Variants in SVEP1 observed in about 807,000 individuals in gnomAD.
The protein encoded by SVEP1 is sushi, von Willebrand factor type A, EGF and pentraxin domain containing 1.
A neutral mutation model predicts 367.3 loss-of-function variants in SVEP1; 164 were observed. The ratio of observed to expected loss-of-function variants is 0.45; its 90% CI spans 0.39 to 0.51. SVEP1 has a LOEUF of 0.51. Among genes scored for constraint, SVEP1 ranks in the 20% least tolerant of loss-of-function variants. The pLI is 0.00. For missense variants in SVEP1, 4,117 were observed against 4,425.3 expected (o/e 0.93, Z 1.98); for synonymous variants, 1,666 against 1,611.6 (o/e 1.03, Z -0.81).
chr9:110,527,088 TGTG>T (rs1204435061), intron 3 of SVEP1, among the ~76,000 whole-genome samples: 1 of 152,068 alleles, frequency 6.6e-6, no homozygotes, highest in Non-Finnish European at 1.5e-5. Context: ...AAAGGATTAT[TGTG>T]GTGGTAGAAA....
intron 3 of SVEP1, among the ~76,000 whole-genome samples, chr9:110,517,053 T>C (rs1291937690): frequency 2.0e-5 from 3 of 152,170 alleles, no homozygotes; most frequent in African/African-American, 4.8e-5. Context: ...ATAAGATACA[T>C]AGCTTTGTGA....
intron 1 of SVEP1, among the ~76,000 whole-genome samples, chr9:110,564,694 CATAA>C (rs1416480940): frequency 2.0e-5 from 3 of 151,912 alleles, no homozygotes; most frequent in African/African-American, 7.2e-5. Context: ...CATATGACCA[CATAA>C]ATAAACCAGG....
chr9:110,535,176 T>C (rs1433080569), intron 3 of SVEP1, among the ~76,000 whole-genome samples: 1 of 152,168 alleles, frequency 6.6e-6, no homozygotes, highest in Non-Finnish European at 1.5e-5. Context: ...CTTTAATCCT[T>C]CTTGAGTTGA....
intron 27 of SVEP1, among the ~76,000 whole-genome samples, chr9:110,441,384 T>A (rs1828507433): frequency 6.6e-6 from 1 of 152,224 alleles, no homozygotes; most frequent in African/African-American, 2.4e-5. Context: ...TCCATTTCTT[T>A]ATAAATCACC....
chr9:110,532,876 G>C (rs1281055991), intron 3 of SVEP1, among the ~76,000 whole-genome samples: 1 of 152,032 alleles, frequency 6.6e-6, no homozygotes, highest in Non-Finnish European at 1.5e-5. Flanking sequence ...GGGCAAAATT[G>C]CTTCCTGTAG....
At chr9:110,457,457 G>A (rs775084180) in intron 20 of SVEP1, 105 bp from the exon 21 acceptor site, 68 of 854,896 alleles carry the variant, frequency 8.0e-5, no homozygotes, top group Non-Finnish European at 1.2e-4. Context: ...CGTTCCTCCT[G>A]TTTCCAGGTA....
chr9:110,558,877 C>T (rs1830388211), intron 1 of SVEP1, among the ~76,000 whole-genome samples: 1 of 152,012 alleles, frequency 6.6e-6, no homozygotes, highest in African/African-American at 2.4e-5. Flanking sequence ...TGTGATAAGG[C>T]TTATTCCTCA....
Position 110,514,032 on chromosome 9 carries a change from T to C in SVEP1, c.1039A>G (p.Asn347Asp). ...GTGCTTCCAGGTGGAGAGGTGTGAT[T>C]TTCATCAGGACATGGAATGCAACTG... ...ISSCIPCPDE[N>D]HTSPPGSTSP... Residue 347 changes from asparagine to aspartate, a missense_variant, in exon 4 of 48, where the codon AAT becomes GAT. Asn to Asp is a conservative substitution (Grantham distance 23, BLOSUM62 1). Coordinates refer to ENST00000374469, the MANE Select transcript of SVEP1 (RefSeq NM_153366.4). 6.2e-7 allele frequency: 1 copy of C among 1,612,270 alleles called. No individual in the cohort carries two copies. Among genetic ancestry groups the C allele is most frequent in the Non-Finnish European group, 8.5e-7 (1 of 1,179,210 alleles).
At chr9:110,569,654 C>A (rs1417229667) in intron 1 of SVEP1, among the ~76,000 whole-genome samples, 1 of 152,102 alleles carries the variant, frequency 6.6e-6, no homozygotes, top group South Asian at 2.1e-4. Context: ...AAGAACTTCC[C>A]TTAAATTATT....
At chr9:110,483,214 C>T (rs950022465) in intron 10 of SVEP1, among the ~76,000 whole-genome samples, 1 of 151,944 alleles carries the variant, frequency 6.6e-6, no homozygotes, top group Non-Finnish European at 1.5e-5. Flanking sequence ...TTTTATTTGT[C>T]AAGTATTTAA....
chr9:110,489,927 C>T (rs1255081217), intron 8 of SVEP1, 148 bp from the exon 9 acceptor site: 1 of 1,014,680 alleles, frequency 9.9e-7, no homozygotes, highest in East Asian at 2.9e-5. Flanking sequence ...ATATTTCTTT[C>T]CAGATTATTC....
Position 110,423,139 on chromosome 9 carries a change from AAAAAAAAT to A in SVEP1, c.5975+4444_5975+4451del, listed in dbSNP as rs1439451038. 1.1e-3 allele frequency among the ~76,000 whole-genome samples: 151 copies of A among 141,816 alleles called. 1 individual carries two copies. Among genetic ancestry groups the A allele is most frequent in the Non-Finnish European group, 1.8e-3 (118 of 66,150 alleles). The allele number at this position is 141,816 out of a possible 152,430, so 93.0% of individuals were successfully genotyped here. ...GTATAATAAAAAATAATAATAATAAAAAAAAAATAAAAAAATAAAAAAATAAAGTAAAA... is the reference window on the plus strand; with the variant it reads ...GTATAATAAAAAATAATAATAATAAAAAAAAAATAAAAAAATAAAGTAAAA... On this transcript the variant is annotated intron_variant, in intron 36 of 47. Coordinates refer to ENST00000374469, the MANE Select transcript of SVEP1 (RefSeq NM_153366.4).
intron 26 of SVEP1, among the ~76,000 whole-genome samples, chr9:110,445,243 G>A (rs1211810088): frequency 6.6e-6 from 1 of 152,174 alleles, no homozygotes; most frequent in South Asian, 2.1e-4. Flanking sequence ...GCTCAAGTCC[G>A]TGGCTCTTTG....
chr9:110,579,685 A>T lies in SVEP1; in HGVS notation c.-142T>A. ...AAGAGCCTCAGCGCCCTTTCATCTG[A>T]CACTGGGGACAGACACAATCCAGAC... On this transcript the variant is annotated 5_prime_UTR_variant, in exon 1 of 48. Transcript: ENST00000374469. This position sits in a 1 kb window ranked among gnomAD's most constrained non-coding sequence, Gnocchi z 5.3. 1 of 1,000,830 alleles carries T rather than the reference A, an allele frequency of 1.0e-6. No individual in the cohort carries two copies. The allele number at this position is 1,000,830 out of a possible 1,614,324, so 62.0% of individuals were successfully genotyped here.
At position 110,455,666 on chromosome 9, in the gene SVEP1, T is replaced by C. The variant is rs1260188172; in HGVS notation, c.3711A>G (p.Pro1237=). The C allele has an allele frequency of 1.2e-6, 2 of 1,612,718 alleles. No individual in the cohort carries two copies. Among genetic ancestry groups the C allele is most frequent in the Non-Finnish European group, 1.7e-6 (2 of 1,179,342 alleles). Residue 1237 remains proline, a synonymous_variant, in exon 22 of 48, where the codon CCA becomes CCG. Transcript: ENST00000374469. ...KCETDIDECS[P]LPCLNNGVCK... ...AAACTCCATTGTTGAGGCAAGGCAG[T>C]GGGCTGCACTCATCGATGTCTGTTT... is the stretch of plus-strand genomic sequence containing the variant.
At position 110,432,520 on chromosome 9, in the gene SVEP1, G is replaced by A. The variant is rs1043721123; in HGVS notation, c.5175C>T (p.Asp1725=). The change falls in exon 31 of 48, where the codon GAC becomes GAT. Residue 1725 remains aspartate (D), a synonymous_variant. Coordinates refer to ENST00000374469, the MANE Select transcript of SVEP1 (RefSeq NM_153366.4). Reference sequence around the variant, plus strand: ...CATTATCTGTACAGAACATCCTTGAGTCACCCAATAGATAGTAGCCATTGT... The same window carrying A: ...CATTATCTGTACAGAACATCCTTGAATCACCCAATAGATAGTAGCCATTGT... ...QCNNGYYLLG[D]SRMFCTDNGS... 1.2e-6 allele frequency: 2 copies of A among 1,613,848 alleles called. No individual in the cohort carries two copies. Among genetic ancestry groups the A allele is most frequent in the Admixed American group, 3.3e-5 (2 of 60,004 alleles).
At chr9:110,405,392 T>G (rs1827939552) in intron 38 of SVEP1, among the ~76,000 whole-genome samples, 1 of 151,598 alleles carries the variant, frequency 6.6e-6, no homozygotes, top group Non-Finnish European at 1.5e-5. Flanking sequence ...CTACATGGAC[T>G]CAGATACTAG....
intron 3 of SVEP1, among the ~76,000 whole-genome samples, chr9:110,537,899 A>G (rs1193977554): frequency 6.6e-6 from 1 of 151,744 alleles, no homozygotes; most frequent in Non-Finnish European, 1.5e-5. Flanking sequence ...TTCAGTTAGT[A>G]GATGTTAAAT....
At chr9:110,528,643 G>A (rs917604920) in intron 3 of SVEP1, among the ~76,000 whole-genome samples, 1 of 151,590 alleles carries the variant, frequency 6.6e-6, no homozygotes, top group African/African-American at 2.4e-5. Context: ...ACTTTTTAAT[G>A]AGATTATTTA....
Sources: gnomAD v4.1 joint callset for allele counts (sites outside exome capture counted in the v4.1 genomes callset) on GRCh38, gnomAD v4.1.1 for gene constraint, Gnocchi (gnomAD v3.1) non-coding constraint, MANE v1.5 for transcripts, NCBI Gene and HGNC (gene_info 2026-07-23, HGNC 2026-07-21) for gene names.